TENM3: variants seen among roughly 807,000 people sequenced by gnomAD.
The protein encoded by TENM3 is teneurin-3.
Under a neutral mutation model 255.1 loss-of-function variants are expected in TENM3, and 63 were observed. The ratio of observed to expected loss-of-function variants is 0.25; its 90% CI spans 0.20 to 0.30. The LOEUF (loss-of-function observed/expected upper bound fraction) is 0.30, where lower values mean the gene tolerates loss of function less well. TENM3 is among the 10% of genes least tolerant of loss of function. TENM3 has a pLI of 1.00. For synonymous variants in TENM3, 1,306 were observed against 1,322.3 expected, an observed-to-expected ratio of 0.99 and a Z score of 0.27; for missense variants, 2,929 against 3,461.1, an observed-to-expected ratio of 0.85 and a Z score of 3.86.
At chr4:182,093,584 C>T in the TENM3 span, among the ~76,000 whole-genome samples, 1 of 152,200 alleles carries the variant, frequency 6.6e-6, no homozygotes, top group South Asian at 2.1e-4. Flanking sequence ...ACATGAGCCC[C>T]CGTAGAGCCA....
the TENM3 span, among the ~76,000 whole-genome samples, chr4:181,857,826 T>C: frequency 6.6e-6 from 1 of 151,428 alleles, no homozygotes; most frequent in Admixed American, 6.6e-5. Flanking sequence ...CCATTGGCAG[T>C]GTTGAAGCAG....
At chr4:181,493,565 T>TA in the TENM3 span, among the ~76,000 whole-genome samples, 1 of 151,608 alleles carries the variant, frequency 6.6e-6, no homozygotes, top group African/African-American at 2.4e-5. Context: ...CCGTCTCTAG[T>TA]AAAAAACAAA....
At chr4:181,557,406 G>T in the TENM3 span, among the ~76,000 whole-genome samples, 1 of 152,098 alleles carries the variant, frequency 6.6e-6, no homozygotes, top group South Asian at 2.1e-4. Flanking sequence ...TTTATGTATG[G>T]AACTGTGCTT....
At chr4:181,800,044 C>T in the TENM3 span, among the ~76,000 whole-genome samples, 1 of 152,130 alleles carries the variant, frequency 6.6e-6, no homozygotes, top group African/African-American at 2.4e-5. Context: ...ATTGCCAGAG[C>T]TTCTGGTTCT....
chr4:182,083,911 C>T, the TENM3 span, among the ~76,000 whole-genome samples: 1 of 152,236 alleles, frequency 6.6e-6, no homozygotes, highest in East Asian at 1.9e-4. Context: ...TGGAGCTGTG[C>T]TCTCTTACAG....
chr4:181,874,216 G>A, the TENM3 span, among the ~76,000 whole-genome samples: 2 of 152,212 alleles, frequency 1.3e-5, no homozygotes, highest in Non-Finnish European at 2.9e-5. Flanking sequence ...ACTGCACCCA[G>A]CGGAGTATGG....
intron 4 of TENM3, among the ~76,000 whole-genome samples, chr4:182,624,735 A>T (rs1414389039): frequency 6.6e-6 from 1 of 152,148 alleles, no homozygotes; most frequent in Non-Finnish European, 1.5e-5. Flanking sequence ...CCTTCATCTT[A>T]TTTCATTTCT....
the TENM3 span, among the ~76,000 whole-genome samples, chr4:181,899,539 GT>G: frequency 6.6e-6 from 1 of 151,500 alleles, no homozygotes; most frequent in Non-Finnish European, 1.5e-5. Flanking sequence ...TTGTTTTGTT[GT>G]TTTGTTTTTT....
chr4:182,771,501 G>GGC (rs1554034448), intron 22 of TENM3, among the ~76,000 whole-genome samples: 3 of 148,868 alleles, frequency 2.0e-5, no homozygotes, highest in South Asian at 2.2e-4. Context: ...TCTGAAATGG[G>GGC]GGGGGGGGAA....
At chr4:181,856,935 C>T in the TENM3 span, among the ~76,000 whole-genome samples, 1 of 152,140 alleles carries the variant, frequency 6.6e-6, no homozygotes, top group East Asian at 1.9e-4. Flanking sequence ...CACTTACTTG[C>T]TGTGTACTTT....
chr4:182,117,121 C>T, the TENM3 span, among the ~76,000 whole-genome samples: 2 of 152,234 alleles, frequency 1.3e-5, no homozygotes, highest in Admixed American at 6.5e-5. Flanking sequence ...TGGCCCAATG[C>T]TTAATCAAGT....
At chr4:182,417,478 T>A (rs1770474011) in intron 3 of TENM3, among the ~76,000 whole-genome samples, 1 of 152,210 alleles carries the variant, frequency 6.6e-6, no homozygotes, top group Non-Finnish European at 1.5e-5. Context: ...GACATGCTTT[T>A]TCTTTATTTT....
intron 1 of TENM3, among the ~76,000 whole-genome samples, chr4:182,188,745 G>C (rs1306020410): frequency 6.6e-6 from 1 of 152,158 alleles, no homozygotes; most frequent in Non-Finnish European, 1.5e-5. Flanking sequence ...GGTGCAATTT[G>C]AGTCCTCTAC....
At chr4:181,453,436 G>A in the TENM3 span, among the ~76,000 whole-genome samples, 1 of 152,072 alleles carries the variant, frequency 6.6e-6, no homozygotes, top group Non-Finnish European at 1.5e-5. Context: ...TGGAGGAAAA[G>A]GTCACTAAGA....
intron 3 of TENM3, among the ~76,000 whole-genome samples, chr4:182,490,871 G>T (rs1486188862): frequency 6.6e-6 from 1 of 152,202 alleles, no homozygotes; most frequent in African/African-American, 2.4e-5. Context: ...CGCTGCAGTT[G>T]TGTTTCATGC....
the TENM3 span, among the ~76,000 whole-genome samples, chr4:182,050,893 G>A: frequency 9.9e-5 from 15 of 152,134 alleles, no homozygotes; most frequent in African/African-American, 2.9e-4. Context: ...ATATTCAAAT[G>A]GCCTCCAGAG....
the TENM3 span, among the ~76,000 whole-genome samples, chr4:181,535,472 T>G: frequency 6.6e-6 from 1 of 152,178 alleles, no homozygotes. Flanking sequence ...ATTGCCATCT[T>G]TGGCCCCTAC....
chr4:182,064,406 G>A, the TENM3 span, among the ~76,000 whole-genome samples: 1 of 151,866 alleles, frequency 6.6e-6, no homozygotes, highest in African/African-American at 2.4e-5. Context: ...GTGAAACCCC[G>A]TCTCTACTAA....
At chr4:181,970,945 G>T in the TENM3 span, among the ~76,000 whole-genome samples, 2 of 152,072 alleles carry the variant, frequency 1.3e-5, no homozygotes, top group Non-Finnish European at 2.9e-5. Flanking sequence ...ATATTGGCTG[G>T]TTTATTTTTC....
Sources: allele counts gnomAD v4.1 joint callset (sites outside exome capture counted in the v4.1 genomes callset), GRCh38; gene constraint gnomAD v4.1.1; transcripts MANE v1.5; gene names NCBI Gene and HGNC (gene_info 2026-07-23, HGNC 2026-07-21).